The following HIVEP1 variants were observed in gnomAD, a reference collection of about 807,000 sequenced individuals.
HIVEP1 encodes the protein zinc finger protein 40.
In HIVEP1, 36 loss-of-function variants were observed where a neutral mutation model predicts 180.0. The ratio of observed to expected loss-of-function variants is 0.20; its 90% CI spans 0.15 to 0.26. HIVEP1 has a LOEUF of 0.26. HIVEP1 is among the 10% of genes least tolerant of loss of function. HIVEP1 has a pLI of 1.00. For synonymous variants in HIVEP1, 1,239 were observed against 1,239.0 expected (o/e 1.00, Z 0.00); for missense variants, 3,143 against 3,268.7 (o/e 0.96, Z 0.94).
At chr6:12,047,062 T>C (rs999203141) in intron 2 of HIVEP1, among the ~76,000 whole-genome samples, 1 of 152,002 alleles carries the variant, frequency 6.6e-6, no homozygotes, top group Non-Finnish European at 1.5e-5. Context: ...GGTTTCACCA[T>C]GTTGGCCAGG....
rs181071809 is a variant in HIVEP1, at chr6:12,111,959, T to C, written c.95-7931T>C. ...GTACAACTTTACACTGTATTATCTT[T>C]TAAACGGTGAAATTTTGAAGTGATA... On this transcript the variant is annotated intron_variant, in intron 3 of 8. Transcript: ENST00000379388. Among the ~76,000 whole-genome samples, 79 of 152,352 alleles carry C rather than the reference T, an allele frequency of 5.2e-4. No homozygotes were observed. The East Asian group carries it at 0.013, about 25-fold the overall frequency.
At chr6:12,140,050 C>A (rs1758926890) in intron 7 of HIVEP1, among the ~76,000 whole-genome samples, 1 of 152,212 alleles carries the variant, frequency 6.6e-6, no homozygotes, top group Non-Finnish European at 1.5e-5. Flanking sequence ...GGGTCCCTGA[C>A]CCCCGTGTAG....
chr6:12,026,917 G>C (rs1479086155), intron 2 of HIVEP1, among the ~76,000 whole-genome samples: 3 of 152,160 alleles, frequency 2.0e-5, no homozygotes, highest in Non-Finnish European at 4.4e-5. Context: ...GGGTGATGTT[G>C]ATCTGCAATT....
At chr6:12,203,872 T>C in the HIVEP1 span, among the ~76,000 whole-genome samples, 1 of 151,720 alleles carries the variant, frequency 6.6e-6, no homozygotes, top group Non-Finnish European at 1.5e-5. Context: ...AGGTCAGGAG[T>C]TGGAGACCAG....
chr6:12,072,950 T>TA (rs563505805), intron 2 of HIVEP1, among the ~76,000 whole-genome samples: 1 of 152,214 alleles, frequency 6.6e-6, no homozygotes, highest in South Asian at 2.1e-4. Flanking sequence ...GTGTAGTTCT[T>TA]ATTCTTTTTA....
At chr6:12,031,119 C>T (rs1169124732) in intron 2 of HIVEP1, among the ~76,000 whole-genome samples, 1 of 152,142 alleles carries the variant, frequency 6.6e-6, no homozygotes, top group African/African-American at 2.4e-5. Context: ...AAAGGTAGAT[C>T]AGAGCTTAAT....
intron 2 of HIVEP1, among the ~76,000 whole-genome samples, chr6:12,022,415 C>A (rs1226265008): frequency 6.6e-6 from 1 of 152,182 alleles, no homozygotes; most frequent in Non-Finnish European, 1.5e-5. Context: ...CGTGATCCAC[C>A]CGCCTCGGCC....
intron 2 of HIVEP1, among the ~76,000 whole-genome samples, chr6:12,080,111 A>T (rs1201796015): frequency 6.6e-6 from 1 of 152,150 alleles, no homozygotes; most frequent in Non-Finnish European, 1.5e-5. Flanking sequence ...AGGGTCATCA[A>T]AGCAGGAGCT....
chr6:12,064,981 T>C (rs1771474392), intron 2 of HIVEP1, among the ~76,000 whole-genome samples: 1 of 152,226 alleles, frequency 6.6e-6, no homozygotes. Context: ...TGGGGTTGGC[T>C]CTTCTATCTT....
At chr6:12,018,074 C>T (rs1047996030) in intron 2 of HIVEP1, among the ~76,000 whole-genome samples, 2 of 152,246 alleles carry the variant, frequency 1.3e-5, no homozygotes, top group African/African-American at 4.8e-5. Context: ...CACGGGGAAG[C>T]AGCTAAAGCC....
At chr6:12,206,096 T>G in the HIVEP1 span, among the ~76,000 whole-genome samples, 2 of 152,150 alleles carry the variant, frequency 1.3e-5, no homozygotes, top group African/African-American at 4.8e-5. Flanking sequence ...CCAATATGAC[T>G]GGTGTCCTTG....
At chr6:12,071,522 C>T (rs2113785831) in intron 2 of HIVEP1, among the ~76,000 whole-genome samples, 1 of 152,322 alleles carries the variant, frequency 6.6e-6, no homozygotes, top group Middle Eastern at 3.4e-3. Flanking sequence ...TCAACCCTCA[C>T]AGTTTGCCAG....
chr6:12,143,867 C>T (rs1055822702), intron 7 of HIVEP1, among the ~76,000 whole-genome samples: 43 of 152,254 alleles, frequency 2.8e-4, no homozygotes, highest in Admixed American at 7.2e-4. Flanking sequence ...CTACAAACCA[C>T]TGCTCAACAA....
At chr6:12,056,909 T>C (rs1770915797) in intron 2 of HIVEP1, among the ~76,000 whole-genome samples, 1 of 152,040 alleles carries the variant, frequency 6.6e-6, no homozygotes, top group Non-Finnish European at 1.5e-5. Context: ...TGATCTTGGC[T>C]CACTGCAGTT....
At chr6:12,206,039 C>T in the HIVEP1 span, among the ~76,000 whole-genome samples, 1 of 152,146 alleles carries the variant, frequency 6.6e-6, no homozygotes, top group African/African-American at 2.4e-5. Context: ...TATATGGAGA[C>T]AGGGAAATGT....
intron 2 of HIVEP1, among the ~76,000 whole-genome samples, chr6:12,077,095 C>T (rs913589881): frequency 2.0e-5 from 3 of 152,000 alleles, no homozygotes; most frequent in Admixed American, 2.0e-4. Flanking sequence ...GAGTTTTCTT[C>T]CTAAGTGAAT....
chr6:12,086,445 G>T (rs1773128794), intron 2 of HIVEP1, among the ~76,000 whole-genome samples: 1 of 152,092 alleles, frequency 6.6e-6, no homozygotes, highest in East Asian at 1.9e-4. Context: ...ATTTCTGAAT[G>T]TATAGTTCTT....
At chr6:12,200,598 A>G in the HIVEP1 span, among the ~76,000 whole-genome samples, 1 of 152,212 alleles carries the variant, frequency 6.6e-6, no homozygotes, top group African/African-American at 2.4e-5. Flanking sequence ...CTAGAAGGCC[A>G]TTATTGGAGG....
At chr6:12,210,504 C>T in the HIVEP1 span, among the ~76,000 whole-genome samples, 1 of 151,986 alleles carries the variant, frequency 6.6e-6, no homozygotes, top group Non-Finnish European at 1.5e-5. Flanking sequence ...ATGTAAAAGC[C>T]ATCAATAATG....
Sources: allele counts gnomAD v4.1 joint callset (sites outside exome capture counted in the v4.1 genomes callset), GRCh38; gene constraint gnomAD v4.1.1; transcripts MANE v1.5; gene names NCBI Gene and HGNC (gene_info 2026-07-23, HGNC 2026-07-21).